The following LZTR1 variants were observed in gnomAD, a reference collection of about 807,000 sequenced individuals.
The protein encoded by LZTR1 is leucine zipper like post translational regulator 1, also known as leucine-zipper-like transcriptional regulator 1.
In LZTR1, 260 loss-of-function variants were observed where a neutral mutation model predicts 105.7. The observed-to-expected ratio is 2.46, with a 90% CI of 2.22 to 2.72. The LOEUF is 2.72. Among genes scored for constraint, LZTR1 ranks in the 30% most tolerant of loss-of-function variants. LZTR1 has a pLI of 0.00. For missense variants in LZTR1, 1,214 were observed against 1,166.9 expected, an observed-to-expected ratio of 1.04 and a Z score of -0.59; for synonymous variants, 490 against 476.4, an observed-to-expected ratio of 1.03 and a Z score of -0.37.
rs1924219783 is a variant in LZTR1 at position 20,982,329 on chromosome 22, G to GC, written c.-42dup. On this transcript the variant is annotated 5_prime_UTR_variant, in exon 1 of 21. Transcript: ENST00000646124. ...CTCCAGCCGGCCCGGGGCGGTGGCCGCAAGTTGGGCTTACAGCGCGGCCGA... is the reference window on the plus strand; with the variant it reads ...CTCCAGCCGGCCCGGGGCGGTGGCCGCCAAGTTGGGCTTACAGCGCGGCCGA... 6.8e-7 allele frequency: 1 copy of GC among 1,468,122 alleles called. No individual in the cohort carries two copies. The highest frequency in any genetic ancestry group is 1.3e-5 in the South Asian group (1 of 78,508). The allele number at this position is 1,468,122 out of a possible 1,614,324, so 90.9% of individuals were successfully genotyped here. A position where few individuals can be genotyped will look rare whatever the true frequency, so the allele number is the denominator to read the frequency against.
intron 9 of LZTR1, 115 bp from the exon 10 acceptor site, chr22:20,992,099 C>A: frequency 9.3e-7 from 1 of 1,070,176 alleles, no homozygotes; most frequent in Non-Finnish European, 1.4e-6. Flanking sequence ...AGCCCACGGC[C>A]ATGCAGCTCT....
chr22:20,983,706 G>A (rs1240985342), intron 2 of LZTR1, among the ~76,000 whole-genome samples: 1 of 152,170 alleles, frequency 6.6e-6, no homozygotes, highest in African/African-American at 2.4e-5. Flanking sequence ...TGCAGCCTTG[G>A]TCCTGTAGGC....
intron 3 of LZTR1, 125 bp downstream of exon 3, chr22:20,986,022 A>G: frequency 9.9e-7 from 1 of 1,015,052 alleles, no homozygotes; most frequent in Admixed American, 2.1e-5. Context: ...CCAGGAGGAG[A>G]TAACCACGGC....
chr22:20,995,001 T>G lies in LZTR1; in HGVS notation c.1917T>G (p.Thr639=). The part of the protein sequence containing the change: ...VRRKQQPPPR[T]PLDQPVDIGT... ...GGAAGCAGCAGCCGCCCCCTCGCAC[T>G]CCCTTGGACCAGCCAGTGGACATTG... The change falls in exon 16 of 21, where the codon ACT becomes ACG. Residue 639 remains threonine, a synonymous_variant. Coordinates refer to ENST00000646124, the MANE Select transcript of LZTR1 (RefSeq NM_006767.4). 6.2e-7 allele frequency: 1 copy of G among 1,612,434 alleles called. No individual in the cohort carries two copies. Among genetic ancestry groups the G allele is most frequent in the South Asian group, 1.1e-5 (1 of 91,026 alleles).
rs911095806 is a variant in LZTR1 at position 20,991,625 on chromosome 22, C to T, written c.792-3C>T. On this transcript the variant is annotated splice_region_variant and splice_polypyrimidine_tract_variant and intron_variant, in intron 8 of 20. Transcript: ENST00000646124. ...GCATTGATTCACTGTTGTGTACCCC[C>T]AGGTGGACACGCATCCCAACTGAAC... 1 of 1,580,696 alleles carries T rather than the reference C, an allele frequency of 6.3e-7. No homozygotes were observed. Among genetic ancestry groups the T allele is most frequent in the Non-Finnish European group, 8.6e-7 (1 of 1,168,554 alleles).
chr22:20,996,784 G>A lies in LZTR1; in HGVS notation c.2308G>A (p.Val770Met). The stretch of plus-strand genomic sequence containing the variant: ...GCAGAACCTGGAGATGAACGTGACG[G>A]TGCAGAACGTGCTGCAGGTAGCCCC... The part of the protein sequence containing the change: ...CKQNLEMNVT[V>M]QNVLQILEAA... The change falls in exon 19 of 21, where the codon GTG (valine) becomes ATG (methionine). Residue 770 changes from valine (V) to methionine (M), a missense_variant. Physicochemically the swap from Val to Met is conservative, Grantham distance 21. Coordinates refer to ENST00000646124, the MANE Select transcript of LZTR1 (RefSeq NM_006767.4). The A allele has an allele frequency of 6.2e-7, 1 of 1,613,626 alleles. No individual in the cohort carries two copies. Among genetic ancestry groups the A allele is most frequent in the Non-Finnish European group, 8.5e-7 (1 of 1,179,986 alleles).
Position 20,998,567 on chromosome 22 carries a change from G to A in LZTR1, c.*1219G>A, listed in dbSNP as rs554429422. ...CCTTTGGGTGTATGCAGGTGTGTGG[G>A]GGGCCCTGAGTGGCAAGTTGCTTAG... On this transcript the variant is annotated 3_prime_UTR_variant, in exon 21 of 21. Transcript: ENST00000646124. 1.3e-5 allele frequency: 2 copies of A among 152,474 alleles called. No homozygotes were observed. The highest frequency in any genetic ancestry group is 6.5e-5 in the Admixed American group (1 of 15,306). 9.4% of individuals were successfully genotyped at this position (152,474 alleles called of 1,614,324 possible).
intron 2 of LZTR1, 102 bp downstream of exon 2, chr22:20,983,191 T>G: frequency 9.8e-7 from 1 of 1,022,330 alleles, no homozygotes; most frequent in Non-Finnish European, 1.5e-6. Flanking sequence ...AGATGCTAGC[T>G]GGTGCCTCTA....
intron 1 of LZTR1, 54 bp from the exon 2 acceptor site, chr22:20,982,973 G>A (rs770590781): frequency 4.0e-6 from 6 of 1,505,756 alleles, no homozygotes; most frequent in Non-Finnish European, 5.5e-6. Flanking sequence ...CCCATTCCTT[G>A]GGTGCCCCCC....
Position 20,994,899 on chromosome 22 carries a change from G to C in LZTR1, c.1815G>C (p.Glu605Asp), listed in dbSNP as rs771620465. The C allele has an allele frequency of 1.2e-6, 2 of 1,613,304 alleles. No individual in the cohort carries two copies. The highest frequency in any genetic ancestry group is 2.7e-5 in the African/African-American group (2 of 74,922). ...KEHCLNFVVK[E>D]SHFNQVIMMK... The stretch of plus-strand genomic sequence containing the variant: ...ACTGCCTGAACTTCGTGGTAAAGGA[G>C]TCCCACTTCAACCAGGTGATCATGA... The change falls in exon 16 of 21, where the codon GAG becomes GAC. Residue 605 changes from glutamate (E) to aspartate (D), a missense_variant. Glu to Asp is a conservative substitution (Grantham distance 45, BLOSUM62 2). Transcript: ENST00000646124.
chr22:20,989,076 C>G (rs1003642742), intron 6 of LZTR1, among the ~76,000 whole-genome samples: 2 of 152,002 alleles, frequency 1.3e-5, no homozygotes, highest in Admixed American at 6.6e-5. Flanking sequence ...GGTGGAGCCC[C>G]GTGGCTACCA....
chr22:20,988,974 C>T lies in LZTR1; in HGVS notation c.593+102C>T, dbSNP rs544361034. 63 of 1,047,274 alleles carry T rather than the reference C, an allele frequency of 6.0e-5. No individual in the cohort carries two copies. In the South Asian group the frequency reaches 6.8e-4, roughly 11 times the overall value. The allele number at this position is 1,047,274 out of a possible 1,614,324, so 64.9% of individuals were successfully genotyped here. A position where few individuals can be genotyped will look rare whatever the true frequency, so the allele number is the denominator to read the frequency against. On this transcript the variant is annotated intron_variant, in intron 6 of 20. Coordinates refer to ENST00000646124, the MANE Select transcript of LZTR1 (RefSeq NM_006767.4). ...GCTTAGGCTGGGAGGATTTTGAGTG[C>T]CTGGTGGATTTTGAGTGCCACTCTG... is the stretch of plus-strand genomic sequence containing the variant.
chr22:20,996,987 T>G, intron 20 of LZTR1, 21 bp downstream of exon 20: 4 of 1,611,914 alleles, frequency 2.5e-6, no homozygotes, highest in Non-Finnish European at 3.4e-6. Context: ...TGGCCTCCCC[T>G]TCAGGACTCG....
At position 20,992,896 on chromosome 22, in the gene LZTR1, A is replaced by G; in HGVS notation, c.1252A>G (p.Arg418Gly). 6.3e-7 allele frequency: 1 copy of G among 1,596,928 alleles called. No individual in the cohort carries two copies. Among genetic ancestry groups the G allele is most frequent in the Non-Finnish European group, 8.5e-7 (1 of 1,169,642 alleles). Reference sequence around the variant, plus strand: ...CAACATCCGCAGCGGGGAGATGTACAGGTTCCAGGTGTGGGGCCTGTGGGC... The same window carrying G: ...CAACATCCGCAGCGGGGAGATGTACGGGTTCCAGGTGTGGGGCCTGTGGGC... ...DNNIRSGEMY[R>G]FQFSCYPKCT... is the part of the protein sequence containing the mutation. Residue 418 changes from arginine (R) to glycine (G), a missense_variant, in exon 11 of 21, where the codon AGG becomes GGG. Coordinates refer to ENST00000646124, the MANE Select transcript of LZTR1 (RefSeq NM_006767.4).
chr22:20,983,106 A>G lies in LZTR1; in HGVS notation c.263+17A>G, dbSNP rs759704579. The G allele has an allele frequency of 1.2e-5, 20 of 1,611,084 alleles. No homozygotes were observed. Among genetic ancestry groups the G allele is most frequent in the Admixed American group, 1.0e-4 (6 of 60,002 alleles). On this transcript the variant is annotated intron_variant, in intron 2 of 20. Transcript: ENST00000646124. ...AGACAATGGGTGAGTGAGTCTCAGCATCAGTGTTTGGACCAGGTAGGGAGA... is the reference window on the plus strand; with the variant it reads ...AGACAATGGGTGAGTGAGTCTCAGCGTCAGTGTTTGGACCAGGTAGGGAGA...
chr22:20,997,291 C>T lies in LZTR1; in HGVS notation c.2466C>T (p.Asp822=), dbSNP rs754448728. Residue 822 remains aspartate, a synonymous_variant, in exon 21 of 21, where the codon GAC becomes GAT. Transcript: ENST00000646124. ...LSQQLLLDII[D]SLASHISDKQ... ...AGCAGCTGCTGCTGGACATCATAGA[C>T]TCCCTGGCCTCCCACATCTCAGACA... is the stretch of plus-strand genomic sequence containing the variant. 1 of 1,613,860 alleles carries T rather than the reference C, an allele frequency of 6.2e-7. No individual in the cohort carries two copies. Among genetic ancestry groups the T allele is most frequent in the Non-Finnish European group, 8.5e-7 (1 of 1,180,012 alleles).
At chr22:20,992,437 A>C in intron 10 of LZTR1, 68 bp downstream of exon 10, 150 of 1,467,902 alleles carry the variant, frequency 1.0e-4, no homozygotes, top group Non-Finnish European at 1.3e-4. Flanking sequence ...AACACCTCTC[A>C]CACATGGGGA....
intron 2 of LZTR1, among the ~76,000 whole-genome samples, chr22:20,985,057 C>CTT (rs1483916339): frequency 3.8e-5 from 4 of 104,234 alleles, no homozygotes; most frequent in Non-Finnish European, 3.8e-5. Flanking sequence ...GACTTCGTTT[C>CTT]TATTTTTTTT....
At chr22:20,987,238 C>G (rs535944581) in intron 3 of LZTR1, 250 of 372,650 alleles carry the variant, frequency 6.7e-4, no homozygotes, top group African/African-American at 4.9e-3. Context: ...TACAAAAATA[C>G]AAAAAATTAG....
Sources: allele counts gnomAD v4.1 joint callset (sites outside exome capture counted in the v4.1 genomes callset), GRCh38; gene constraint gnomAD v4.1.1; transcripts MANE v1.5; gene names NCBI Gene and HGNC (gene_info 2026-07-23, HGNC 2026-07-21).